FOXP2: variants seen among roughly 807,000 people sequenced by gnomAD.
FOXP2 encodes forkhead box P2.
A neutral mutation model predicts 115.8 loss-of-function variants in FOXP2; 12 were observed. The ratio of observed to expected loss-of-function variants is 0.10; its 90% CI spans 0.07 to 0.17. The LOEUF (loss-of-function observed/expected upper bound fraction) is 0.17, where lower values mean the gene tolerates loss of function less well. FOXP2 is among the 10% of genes least tolerant of loss of function. FOXP2 has a pLI of 1.00. For synonymous variants in FOXP2, 328 were observed against 297.7 expected (o/e 1.10, Z -1.05); for missense variants, 629 against 843.5 (o/e 0.75, Z 3.15).
chr7:114,495,954 T>G (rs780170218), intron 2 of FOXP2, among the ~76,000 whole-genome samples: 15 of 152,166 alleles, frequency 9.9e-5, no homozygotes, highest in Non-Finnish European at 1.8e-4. Context: ...TTTTTTTTCT[T>G]TAGCCAAATT....
upstream of FOXP2, among the ~76,000 whole-genome samples, chr7:114,158,176 T>A (rs533824447): frequency 6.6e-6 from 1 of 152,202 alleles, no homozygotes; most frequent in East Asian, 1.9e-4. Flanking sequence ...TGTCAAAATA[T>A]AAGTGTGTTG....
intron 2 of FOXP2, among the ~76,000 whole-genome samples, chr7:114,332,065 C>G (rs1190117764): frequency 6.6e-6 from 1 of 151,964 alleles, no homozygotes; most frequent in African/African-American, 2.4e-5. Context: ...TCCAAGTGAA[C>G]CCCATCAATT....
intron 3 of FOXP2, among the ~76,000 whole-genome samples, chr7:114,537,174 T>G (rs974378011): frequency 6.6e-6 from 1 of 151,646 alleles, no homozygotes; most frequent in African/African-American, 2.4e-5. Context: ...TCTTATATAA[T>G]TCTCTCAAAA....
intron 2 of FOXP2, among the ~76,000 whole-genome samples, chr7:114,326,527 A>G (rs1321786553): frequency 1.3e-5 from 2 of 152,150 alleles, no homozygotes; most frequent in Non-Finnish European, 2.9e-5. Flanking sequence ...GTGGCTCCTA[A>G]TGGGATTCCT....
intron 8 of FOXP2, among the ~76,000 whole-genome samples, chr7:114,646,162 T>C (rs991245698): frequency 2.0e-5 from 3 of 151,910 alleles, no homozygotes; most frequent in Non-Finnish European, 4.4e-5. Context: ...CATTAGTCCT[T>C]ATCAATGTAT....
chr7:114,372,985 A>G (rs1414867017), intron 2 of FOXP2, among the ~76,000 whole-genome samples: 2 of 152,052 alleles, frequency 1.3e-5, no homozygotes, highest in African/African-American at 4.8e-5. Flanking sequence ...GCACGAAATC[A>G]TAGAATAAAA....
chr7:114,671,104 A>G (rs1807464600), intron 16 of FOXP2, among the ~76,000 whole-genome samples: 1 of 151,964 alleles, frequency 6.6e-6, no homozygotes, highest in African/African-American at 2.4e-5. Flanking sequence ...TTAATCTCTA[A>G]ACTTTTTGAT....
intron 3 of FOXP2, among the ~76,000 whole-genome samples, chr7:114,568,122 T>C (rs1252775939): frequency 6.6e-6 from 1 of 152,064 alleles, no homozygotes; most frequent in Non-Finnish European, 1.5e-5. Context: ...TTATGTTTCA[T>C]AATTTTGCAT....
At chr7:114,518,374 A>C (rs1798446184) in intron 2 of FOXP2, among the ~76,000 whole-genome samples, 1 of 152,094 alleles carries the variant, frequency 6.6e-6, no homozygotes. Flanking sequence ...TTTTTCCCCA[A>C]GTGGAAATTG....
intron 1 of FOXP2, among the ~76,000 whole-genome samples, chr7:114,256,269 A>AT (rs1237413047): frequency 1.3e-5 from 2 of 151,724 alleles, no homozygotes; most frequent in African/African-American, 4.8e-5. Context: ...TGCCTGGCTA[A>AT]TTTTTTTGTA....
At chr7:114,376,289 A>C (rs766308595) in intron 2 of FOXP2, among the ~76,000 whole-genome samples, 1 of 152,362 alleles carries the variant, frequency 6.6e-6, no homozygotes, top group African/African-American at 2.4e-5. Context: ...CCATGAGAAC[A>C]AATTAGAGAA....
intron 2 of FOXP2, among the ~76,000 whole-genome samples, chr7:114,341,597 T>A (rs912251779): frequency 1.3e-5 from 2 of 151,430 alleles, no homozygotes; most frequent in African/African-American, 4.8e-5. Flanking sequence ...GTTGATGGCC[T>A]ATAACTACTA....
At chr7:114,137,612 A>G (rs1030616678) in intron 1 of FOXP2, among the ~76,000 whole-genome samples, 4 of 151,924 alleles carry the variant, frequency 2.6e-5, no homozygotes, top group Non-Finnish European at 5.9e-5. Flanking sequence ...ATAAAAGTTC[A>G]GTTTCACACG....
Position 114,504,419 on chromosome 7 carries a change from A to G in FOXP2, c.169-30198A>G, listed in dbSNP as rs1797717810. ...AGATTATACTCCCAGCAACATTTGTATAGTAAGTACAATTCCATAATTTTA... is the reference window on the plus strand; with the variant it reads ...AGATTATACTCCCAGCAACATTTGTGTAGTAAGTACAATTCCATAATTTTA... On this transcript the variant is annotated intron_variant, in intron 2 of 16. Transcript: ENST00000350908. Among the ~76,000 whole-genome samples the G allele has an allele frequency of 2.0e-5, 3 of 151,768 alleles. No individual in the cohort carries two copies. In the South Asian group the frequency reaches 6.2e-4, roughly 31 times the overall value.
At chr7:114,314,141 C>A (rs1797216387) in intron 2 of FOXP2, among the ~76,000 whole-genome samples, 2 of 151,644 alleles carry the variant, frequency 1.3e-5, no homozygotes, top group South Asian at 4.1e-4. Flanking sequence ...GTTCTCAGTG[C>A]TAATTACATT....
intron 2 of FOXP2, among the ~76,000 whole-genome samples, chr7:114,330,153 T>C (rs1797664703): frequency 6.6e-6 from 1 of 152,168 alleles, no homozygotes; most frequent in East Asian, 1.9e-4. Flanking sequence ...TATCCCTATG[T>C]CATGCTGTTT....
At chr7:114,561,368 C>T (rs1284931531) in intron 3 of FOXP2, 1 of 152,080 alleles carries the variant, frequency 6.6e-6, no homozygotes, top group Non-Finnish European at 1.5e-5. Context: ...AACTACTGGA[C>T]AATAGCACCA....
intron 2 of FOXP2, among the ~76,000 whole-genome samples, chr7:114,441,901 G>T (rs1794622883): frequency 6.6e-6 from 1 of 152,176 alleles, no homozygotes; most frequent in Non-Finnish European, 1.5e-5. Context: ...ACTCTCATTA[G>T]TTTTAGTGGG....
chr7:114,611,058 C>T (rs1393233347), intron 3 of FOXP2, among the ~76,000 whole-genome samples: 1 of 152,024 alleles, frequency 6.6e-6, no homozygotes, highest in Non-Finnish European at 1.5e-5. Context: ...ATATTTCATC[C>T]GTATCTTTGT....
Sources: gnomAD v4.1 joint callset for allele counts (sites outside exome capture counted in the v4.1 genomes callset) on GRCh38, gnomAD v4.1.1 for gene constraint, MANE v1.5 for transcripts, NCBI Gene and HGNC (gene_info 2026-07-23, HGNC 2026-07-21) for gene names.